PLXNA2: variants seen among roughly 807,000 people sequenced by gnomAD.
The protein encoded by PLXNA2 is plexin-A2.
A neutral mutation model predicts 193.5 loss-of-function variants in PLXNA2; 91 were observed. The ratio of observed to expected loss-of-function variants is 0.47; its 90% CI spans 0.40 to 0.56. The LOEUF (loss-of-function observed/expected upper bound fraction) is 0.56, where lower values mean the gene tolerates loss of function less well. Ranked by LOEUF, PLXNA2 falls within the 20% of genes least tolerant of loss-of-function variation. The pLI, the probability that PLXNA2 is intolerant of heterozygous loss-of-function variation, is 0.00. For synonymous variants in PLXNA2, 997 were observed against 1,027.3 expected (o/e 0.97, Z 0.56); for missense variants, 1,995 against 2,503.2 (o/e 0.80, Z 4.33).
At chr1:208,223,651 G>A (rs1473755629) in intron 1 of PLXNA2, among the ~76,000 whole-genome samples, 1 of 152,212 alleles carries the variant, frequency 6.6e-6, no homozygotes, top group Admixed American at 6.5e-5. Flanking sequence ...TCACACTCAG[G>A]ACCGTCACCT....
chr1:208,186,472 G>A (rs183131025), intron 3 of PLXNA2, among the ~76,000 whole-genome samples: 10 of 152,296 alleles, frequency 6.6e-5, no homozygotes, highest in Admixed American at 5.2e-4. Context: ...ACCTCCCATA[G>A]CCTTTCTTGT....
In PLXNA2 at chr1:208,098,961, C is replaced by T. The variant is rs375280101; in HGVS notation, c.1616G>A (p.Arg539His). 1.3e-5 allele frequency: 20 copies of T among 1,597,806 alleles called. 1 individual carries two copies. Among genetic ancestry groups the T allele is most frequent in the Admixed American group, 6.8e-5 (4 of 58,556 alleles). The change falls in exon 6 of 32, where the codon CGC becomes CAC. Residue 539 changes from arginine to histidine, a missense_variant. Physicochemically the swap from Arg to His is conservative, Grantham distance 29. This residue lies in a region of PLXNA2 where 702 missense variants were observed against 812.9 expected (regional missense o/e 0.86). Coordinates refer to ENST00000367033, the MANE Select transcript of PLXNA2 (RefSeq NM_025179.4). ...GWCALHNMCS[R>H]RDKCQQAWEP... ...CCAGGCCTGTTGGCATTTGTCCCTG[C>T]GGGAGCACCTGCCATAAACACAGAT...
intron 26 of PLXNA2, among the ~76,000 whole-genome samples, chr1:208,036,852 G>T (rs1195682221): frequency 4.6e-5 from 7 of 152,214 alleles, no homozygotes; most frequent in Non-Finnish European, 1.0e-4. Context: ...GGAGCCGTAG[G>T]CTGGAAAGCC....
chr1:208,058,068 C>G (rs535301364), intron 13 of PLXNA2, among the ~76,000 whole-genome samples: 2 of 152,246 alleles, frequency 1.3e-5, no homozygotes, highest in Non-Finnish European at 2.9e-5. Context: ...CCCCACACTA[C>G]ACCACCTCCC....
At position 208,096,055 on chromosome 1, in the gene PLXNA2, C is replaced by G. The variant is rs1490576095; in HGVS notation, c.1956G>C (p.Lys652Asn). 6.2e-7 allele frequency: 1 copy of G among 1,614,032 alleles called. No homozygotes were observed. Among genetic ancestry groups the G allele is most frequent in the African/African-American group, 1.3e-5 (1 of 75,038 alleles). ...TGKIFVSTEF[K>N]FYNCSAHQLC... is the part of the protein sequence containing the mutation. ...GTTGGTGGGCACTGCAGTTGTAAAA[C>G]TTGAACTCGGTGCTGACAAATATCT... The change falls in exon 8 of 32, where the codon AAG becomes AAC. Residue 652 changes from lysine to asparagine, a missense_variant. Lys to Asn is a moderately conservative substitution (Grantham distance 94). Coordinates refer to ENST00000367033, the MANE Select transcript of PLXNA2 (RefSeq NM_025179.4).
chr1:208,039,436 T>G (rs1664785923), intron 24 of PLXNA2, among the ~76,000 whole-genome samples, 185 bp downstream of exon 24: 1 of 147,832 alleles, frequency 6.8e-6, no homozygotes, highest in Non-Finnish European at 1.5e-5. Flanking sequence ...AGGCATAGAG[T>G]GCTTGGGATG....
chr1:208,221,378 T>C (rs908550255), intron 1 of PLXNA2, among the ~76,000 whole-genome samples: 38 of 139,862 alleles, frequency 2.7e-4, no homozygotes, highest in Non-Finnish European at 4.4e-4. Context: ...TTTTTCTTTT[T>C]CTGTTTTTTT....
At chr1:208,120,499 G>A (rs753523595) in intron 4 of PLXNA2, among the ~76,000 whole-genome samples, 1 of 152,204 alleles carries the variant, frequency 6.6e-6, no homozygotes, top group Non-Finnish European at 1.5e-5. Context: ...CCTGAGACAA[G>A]AAGATTGAAC....
rs757535936 is a variant in PLXNA2 at position 208,244,354 on chromosome 1, G to C, written c.-792C>G. ...GGCGGCGGAGGAGCCCTGAGCGCCG[G>C]CCTCCCTATTTCACCATGCAGCTCA... On this transcript the variant is annotated 5_prime_UTR_variant, in exon 1 of 32. Coordinates refer to ENST00000367033, the MANE Select transcript of PLXNA2 (RefSeq NM_025179.4). 2 of 194,988 alleles carry C rather than the reference G, an allele frequency of 1.0e-5. No homozygotes were observed. The highest frequency in any genetic ancestry group is 2.0e-5 in the Non-Finnish European group (2 of 99,610). 12.1% of individuals were successfully genotyped at this position (194,988 alleles called of 1,614,324 possible).
At chr1:208,150,668 C>T (rs1164237467) in intron 3 of PLXNA2, among the ~76,000 whole-genome samples, 1 of 152,102 alleles carries the variant, frequency 6.6e-6, no homozygotes, top group Non-Finnish European at 1.5e-5. Flanking sequence ...CCTCATCAGA[C>T]AAGGGTGGAT....
At chr1:208,030,832 G>A (rs1441955372) in intron 29 of PLXNA2, 1 of 985,414 alleles carries the variant, frequency 1.0e-6, no homozygotes. Flanking sequence ...TCTTGGCCGG[G>A]TCCTGTCTGA....
intron 5 of PLXNA2, 138 bp from the exon 6 acceptor site, chr1:208,099,107 G>C: frequency 9.6e-7 from 1 of 1,039,216 alleles, no homozygotes; most frequent in South Asian, 1.6e-5. Context: ...ACTGTACTCC[G>C]GAGGGCCTTG....
Position 208,154,943 on chromosome 1 carries a change from G to C in PLXNA2, c.1372-12480C>G, listed in dbSNP as rs1668891398. On this transcript the variant is annotated intron_variant, in intron 3 of 31. Coordinates refer to ENST00000367033, the MANE Select transcript of PLXNA2 (RefSeq NM_025179.4). ...ACTGGAAAGGAAAGCATGAAAGAGG[G>C]ATTTTGGATTGATTTATCTCTGATT... Among the ~76,000 whole-genome samples, 3 of 152,350 alleles carry C rather than the reference G, an allele frequency of 2.0e-5. No individual in the cohort carries two copies. The South Asian group carries it at 6.2e-4, about 32-fold the overall frequency.
At chr1:208,237,231 C>A (rs1420923581) in intron 1 of PLXNA2, among the ~76,000 whole-genome samples, 1 of 152,220 alleles carries the variant, frequency 6.6e-6, no homozygotes, top group Non-Finnish European at 1.5e-5. Context: ...AAGCACATGG[C>A]AGAGGCAGCC....
chr1:208,163,168 G>A (rs1211827534), intron 3 of PLXNA2, among the ~76,000 whole-genome samples: 1 of 152,162 alleles, frequency 6.6e-6, no homozygotes, highest in Non-Finnish European at 1.5e-5. Flanking sequence ...GGGTGTGAGT[G>A]TGGCAGAAGT....
chr1:208,178,452 G>A (rs1340204935), intron 3 of PLXNA2, among the ~76,000 whole-genome samples: 1 of 152,210 alleles, frequency 6.6e-6, no homozygotes, highest in East Asian at 1.9e-4. Flanking sequence ...TTTACACAGT[G>A]AGTCAGGCTG....
At chr1:208,138,349 T>G (rs1273206902) in intron 4 of PLXNA2, among the ~76,000 whole-genome samples, 1 of 152,222 alleles carries the variant, frequency 6.6e-6, no homozygotes, top group Non-Finnish European at 1.5e-5. Context: ...AGATAAGTGT[T>G]CTGAGCATGT....
chr1:208,209,252 C>G (rs1426166467), intron 3 of PLXNA2, among the ~76,000 whole-genome samples: 1 of 152,162 alleles, frequency 6.6e-6, no homozygotes, highest in African/African-American at 2.4e-5. Flanking sequence ...TAATTCAGAA[C>G]AAGCAGAACA....
chr1:208,068,863 G>A (rs954018906), intron 12 of PLXNA2, among the ~76,000 whole-genome samples: 2 of 152,222 alleles, frequency 1.3e-5, no homozygotes, highest in African/African-American at 4.8e-5. Flanking sequence ...AGTACGGAAA[G>A]CTGTATTTGC....
Sources: gnomAD v4.1 joint callset for allele counts (sites outside exome capture counted in the v4.1 genomes callset) on GRCh38, gnomAD v4.1.1 for gene constraint, gnomAD v4.1.1 regional missense constraint, MANE v1.5 for transcripts, NCBI Gene and HGNC (gene_info 2026-07-23, HGNC 2026-07-21) for gene names.